GRXCR1: variants seen among roughly 807,000 people sequenced by gnomAD.
The protein encoded by GRXCR1 is glutaredoxin and cysteine rich domain containing 1.
GRXCR1 carries 27 observed loss-of-function variants against 27.3 expected under a neutral mutation model. That is an observed-to-expected ratio of 0.99 (90% CI 0.73 to 1.37). GRXCR1 has a LOEUF of 1.37. GRXCR1 is among the 40% of genes most tolerant of loss of function. The pLI is 0.00. For missense variants in GRXCR1, 379 were observed against 354.4 expected (o/e 1.07, Z -0.56); for synonymous variants, 122 against 131.1 (o/e 0.93, Z 0.47).
chr4:42,966,566 C>A (rs1274723807), intron 2 of GRXCR1, among the ~76,000 whole-genome samples: 1 of 152,044 alleles, frequency 6.6e-6, no homozygotes, highest in African/African-American at 2.4e-5. Context: ...AGGTATATTT[C>A]TAAGGAACAC....
chr4:42,973,472 G>A (rs901339814), intron 2 of GRXCR1, among the ~76,000 whole-genome samples: 2 of 147,392 alleles, frequency 1.4e-5, no homozygotes, highest in Admixed American at 6.8e-5. Context: ...CCTTGCCGAT[G>A]TTTTTTTTTT....
intron 2 of GRXCR1, among the ~76,000 whole-genome samples, chr4:42,987,261 A>ATAATATATAATATATATATATAAT (rs1491549715): frequency 6.2e-4 from 60 of 97,194 alleles, no homozygotes; most frequent in Non-Finnish European, 1.2e-3. Flanking sequence ...ATATATATAT[A>ATAATATATAATATATATATATAAT]ATATATATAT....
At chr4:43,010,651 G>C (rs1054165776) in intron 2 of GRXCR1, among the ~76,000 whole-genome samples, 6 of 152,098 alleles carry the variant, frequency 3.9e-5, no homozygotes, top group African/African-American at 1.2e-4. Flanking sequence ...AATAGCAGGA[G>C]GGTAGTTCCA....
intron 2 of GRXCR1, among the ~76,000 whole-genome samples, chr4:43,000,602 A>G (rs973862460): frequency 6.6e-6 from 1 of 152,030 alleles, no homozygotes; most frequent in African/African-American, 2.4e-5. Context: ...GAATATTATT[A>G]CAATTATTCT....
chr4:43,004,695 C>G (rs543915564), intron 2 of GRXCR1, among the ~76,000 whole-genome samples: 1 of 152,292 alleles, frequency 6.6e-6, no homozygotes, highest in East Asian at 1.9e-4. Context: ...TGAATGGGGC[C>G]TATAGCCCTT....
At chr4:42,932,576 CCA>C (rs1491319993) in intron 1 of GRXCR1, among the ~76,000 whole-genome samples, 2 of 42,626 alleles carry the variant, frequency 4.7e-5, no homozygotes, top group East Asian at 1.4e-3. Context: ...AAACTCCCTT[CCA>C]TATATATATA....
intron 1 of GRXCR1, among the ~76,000 whole-genome samples, chr4:42,926,788 T>G (rs1217441533): frequency 6.6e-6 from 1 of 152,032 alleles, no homozygotes; most frequent in Non-Finnish European, 1.5e-5. Context: ...GAAGATGTTT[T>G]TAATCATCCA....
intron 2 of GRXCR1, among the ~76,000 whole-genome samples, chr4:43,009,886 T>C (rs1248670585): frequency 6.6e-6 from 1 of 152,210 alleles, no homozygotes; most frequent in Non-Finnish European, 1.5e-5. Context: ...TATGTATCTA[T>C]GTGCCTATAT....
At chr4:43,020,691 G>T (rs1252535764) in intron 3 of GRXCR1, among the ~76,000 whole-genome samples, 1 of 152,066 alleles carries the variant, frequency 6.6e-6, no homozygotes, top group Non-Finnish European at 1.5e-5. Context: ...ACGTTGATGA[G>T]GTGTTTCAAG....
chr4:43,000,644 G>A (rs1712323284), intron 2 of GRXCR1, among the ~76,000 whole-genome samples: 1 of 150,802 alleles, frequency 6.6e-6, no homozygotes. Context: ...ATCTCTTACT[G>A]TGCCTAATTT....
At chr4:42,933,186 G>A (rs996383384) in intron 1 of GRXCR1, among the ~76,000 whole-genome samples, 1 of 151,948 alleles carries the variant, frequency 6.6e-6, no homozygotes, top group Non-Finnish European at 1.5e-5. Context: ...GTTTAAATAA[G>A]TACAAAAGAG....
chr4:42,921,156 C>A (rs139957080), intron 1 of GRXCR1, among the ~76,000 whole-genome samples: 1 of 152,050 alleles, frequency 6.6e-6, no homozygotes. Flanking sequence ...GGGATTTGTT[C>A]TCTTATAATA....
intron 2 of GRXCR1, among the ~76,000 whole-genome samples, chr4:43,003,188 A>T (rs979509008): frequency 6.6e-6 from 1 of 152,164 alleles, no homozygotes. Context: ...TAAATTACCC[A>T]GTCTCAAGTA....
At chr4:42,984,376 T>C (rs963798964) in intron 2 of GRXCR1, among the ~76,000 whole-genome samples, 19 of 152,378 alleles carry the variant, frequency 1.2e-4, no homozygotes, top group African/African-American at 4.6e-4. Context: ...ATCCGGCAGT[T>C]CATCTATCTT....
intron 2 of GRXCR1, among the ~76,000 whole-genome samples, chr4:42,967,774 AAG>A (rs1423595641): frequency 6.6e-6 from 1 of 152,038 alleles, no homozygotes. Flanking sequence ...GTTTCTTAGA[AAG>A]AGTTTGAGCC....
intron 2 of GRXCR1, among the ~76,000 whole-genome samples, chr4:43,002,662 A>C (rs1465797091): frequency 7.3e-6 from 1 of 136,712 alleles, no homozygotes; most frequent in Non-Finnish European, 1.6e-5. Context: ...TTTCCCTACA[A>C]TATTTTAGGT....
intron 2 of GRXCR1, 148 bp downstream of exon 2, chr4:42,963,282 C>G (rs564827401): frequency 2.1e-5 from 18 of 876,038 alleles, no homozygotes; most frequent in African/African-American, 1.5e-4. Context: ...GCACTTATTT[C>G]TGTCCCAGAC....
chr4:42,973,260 A>T (rs1748429956), intron 2 of GRXCR1, among the ~76,000 whole-genome samples: 1 of 152,172 alleles, frequency 6.6e-6, no homozygotes. Context: ...TAACAAAGAG[A>T]TATACAACAA....
chr4:42,919,425 C>T (rs1746958295), intron 1 of GRXCR1, among the ~76,000 whole-genome samples: 2 of 152,138 alleles, frequency 1.3e-5, no homozygotes, highest in African/African-American at 2.4e-5. Context: ...AGTCTACCTT[C>T]TTGGATGTGG....
Sources: gnomAD v4.1 joint callset for allele counts (sites outside exome capture counted in the v4.1 genomes callset) on GRCh38, gnomAD v4.1.1 for gene constraint, MANE v1.5 for transcripts, NCBI Gene and HGNC (gene_info 2026-07-23, HGNC 2026-07-21) for gene names.